Variants in MAP3K3 observed in about 807,000 individuals in gnomAD.
MAP3K3 encodes the protein MAP/ERK kinase kinase 3.
MAP3K3 carries 12 observed loss-of-function variants against 80.9 expected under a neutral mutation model. The ratio of observed to expected loss-of-function variants is 0.15; its 90% confidence interval spans 0.10 to 0.24. The LOEUF (loss-of-function observed/expected upper bound fraction) is 0.24, where lower values mean the gene tolerates loss of function less well. MAP3K3 is among the 10% of genes least tolerant of loss of function. The pLI is 1.00. For missense variants in MAP3K3, 596 were observed against 834.7 expected (o/e 0.71, Z 3.52); for synonymous variants, 272 against 307.1 (o/e 0.89, Z 1.19).
intron 6 of MAP3K3, among the ~76,000 whole-genome samples, chr17:63,677,673 A>G (rs922103369): frequency 6.6e-6 from 1 of 152,160 alleles, no homozygotes; most frequent in Non-Finnish European, 1.5e-5. Context: ...CTGACTCCCA[A>G]ATGACCATGG....
chr17:63,653,987 C>T (rs1430887640), intron 4 of MAP3K3, among the ~76,000 whole-genome samples: 1 of 152,178 alleles, frequency 6.6e-6, no homozygotes, highest in Admixed American at 6.5e-5. Context: ...CCACCTCAGC[C>T]ACCCAAGTAG....
intron 6 of MAP3K3, among the ~76,000 whole-genome samples, chr17:63,667,957 C>G (rs1405149791): frequency 6.6e-6 from 1 of 151,478 alleles, no homozygotes; most frequent in Non-Finnish European, 1.5e-5. Flanking sequence ...TGCATTATTA[C>G]TTGTTAACCC....
intron 4 of MAP3K3, among the ~76,000 whole-genome samples, chr17:63,654,294 C>A (rs1249028087): frequency 1.0e-5 from 1 of 97,784 alleles, no homozygotes; most frequent in Non-Finnish European, 2.3e-5. Flanking sequence ...CTATTCTGAA[C>A]ATTTCGTGTA....
Position 63,681,835 on chromosome 17 carries a change from G to A in MAP3K3, c.572G>A (p.Arg191Gln). 1.3e-6 allele frequency: 2 copies of A among 1,547,066 alleles called. No individual in the cohort carries two copies. Among genetic ancestry groups the A allele is most frequent in the Non-Finnish European group, 1.8e-6 (2 of 1,142,564 alleles). The change falls in exon 7 of 16, where the codon CGG becomes CAG. Residue 191 changes from arginine to glutamine, a missense_variant. Arg to Gln is a conservative substitution (Grantham distance 43, BLOSUM62 1). Coordinates refer to ENST00000361733, the MANE Select transcript of MAP3K3 (RefSeq NM_002401.5). ...YVPERQQHIARQGSYTSINSE... is the reference protein window; with the variant it reads ...YVPERQQHIAQQGSYTSINSE... ...CCTGAGCGGCAGCAGCACATTGCCC[G>A]GCAGGGGTCCTACACCAGCATCAAC...
At chr17:63,652,363 C>T (rs928133083) in intron 3 of MAP3K3, among the ~76,000 whole-genome samples, 194 bp from the exon 4 acceptor site, 1 of 151,992 alleles carries the variant, frequency 6.6e-6, no homozygotes, top group African/African-American at 2.4e-5. Flanking sequence ...GTTGTCAAAC[C>T]TGATAGATGC....
chr17:63,685,356 G>A (rs2035426253), intron 7 of MAP3K3, among the ~76,000 whole-genome samples, 161 bp from the exon 8 acceptor site: 1 of 152,194 alleles, frequency 6.6e-6, no homozygotes, highest in Non-Finnish European at 1.5e-5. Flanking sequence ...CTAAGGGGGA[G>A]GATGGTACCT....
intron 2 of MAP3K3, among the ~76,000 whole-genome samples, chr17:63,638,294 G>T (rs2034372816): frequency 6.6e-6 from 1 of 152,072 alleles, no homozygotes; most frequent in Non-Finnish European, 1.5e-5. Flanking sequence ...GAAATGTGGG[G>T]AGGCATCAAA....
chr17:63,640,390 C>A (rs537725701), intron 2 of MAP3K3, among the ~76,000 whole-genome samples: 1 of 152,228 alleles, frequency 6.6e-6, no homozygotes, highest in South Asian at 2.1e-4. Context: ...TGGGAAAAAA[C>A]CTCAAGAGTG....
chr17:63,678,486 TA>T (rs1873439707), intron 6 of MAP3K3, among the ~76,000 whole-genome samples: 2 of 152,172 alleles, frequency 1.3e-5, no homozygotes, highest in Admixed American at 6.5e-5. Context: ...AGCAAAATTC[TA>T]TGCCTGTTTT....
intron 7 of MAP3K3, among the ~76,000 whole-genome samples, chr17:63,683,456 A>G (rs77546989): frequency 1.1e-4 from 17 of 152,128 alleles, no homozygotes; most frequent in African/African-American, 1.7e-4. Context: ...CCCTCAGTCT[A>G]TGTCCCTCGC....
intron 4 of MAP3K3, among the ~76,000 whole-genome samples, chr17:63,655,446 T>C (rs2034747665): frequency 6.6e-6 from 1 of 152,218 alleles, no homozygotes. Context: ...TTTCTTCTTT[T>C]AATAGCCATC....
chr17:63,667,625 C>G (rs1053917400), intron 6 of MAP3K3, among the ~76,000 whole-genome samples: 9 of 152,108 alleles, frequency 5.9e-5, no homozygotes, highest in African/African-American at 1.9e-4. Flanking sequence ...TGTGGATGCT[C>G]AAGTCCCTGA....
chr17:63,652,723 C>A (rs1195627833), intron 4 of MAP3K3, 67 bp downstream of exon 4: 3 of 1,037,430 alleles, frequency 2.9e-6, no homozygotes, highest in East Asian at 2.5e-5. Context: ...TCTCTGTTTA[C>A]CAGAGCCTTT....
chr17:63,652,673 A>G lies in MAP3K3; in HGVS notation c.267+17A>G, dbSNP rs2034682073. Reference sequence around the variant, plus strand: ...AACAATGAGGTGAGAAGGCAGATGGATGGGGCAGGGACAAGAGGGGCAGAT... The same window carrying G: ...AACAATGAGGTGAGAAGGCAGATGGGTGGGGCAGGGACAAGAGGGGCAGAT... On this transcript the variant is annotated intron_variant, in intron 4 of 15. Transcript: ENST00000361733. The G allele has an allele frequency of 1.3e-6, 2 of 1,555,426 alleles. No individual in the cohort carries two copies. The highest frequency in any genetic ancestry group is 4.5e-5 in the East Asian group (2 of 44,542).
At chr17:63,622,816 C>T in intron 1 of MAP3K3, 53 bp downstream of exon 1, 2 of 449,148 alleles carry the variant, frequency 4.5e-6, no homozygotes, top group South Asian at 1.7e-5. Context: ...CGACGCCCCG[C>T]CCCAGGCTGA....
At position 63,689,374 on chromosome 17, in the gene MAP3K3, G is replaced by T. The variant is rs2035532098; in HGVS notation, c.872-170G>T. On this transcript the variant is annotated intron_variant, in intron 10 of 15. Coordinates refer to ENST00000361733, the MANE Select transcript of MAP3K3 (RefSeq NM_002401.5). The surrounding 1 kb of genome is among the most constrained non-coding windows in gnomAD (Gnocchi z 4.3). ...ACAGCAGCCTCTGTGGAATGAGTCA[G>T]GTGGGAGTGCGGACGGGATGGGCTG... 1 of 604,644 alleles carries T rather than the reference G, an allele frequency of 1.7e-6. No individual in the cohort carries two copies. The highest frequency in any genetic ancestry group is 2.0e-5 in the South Asian group (1 of 49,698). 37.5% of individuals were successfully genotyped at this position (604,644 alleles called of 1,614,324 possible). A position where few individuals can be genotyped will look rare whatever the true frequency, so the allele number is the denominator to read the frequency against.
intron 12 of MAP3K3, 181 bp downstream of exon 12, chr17:63,690,593 A>C (rs570575926): frequency 1.5e-6 from 1 of 645,354 alleles, no homozygotes; most frequent in African/African-American, 1.8e-5. Context: ...AAGAGCACCA[A>C]GCACCTGGAG....
chr17:63,672,125 A>G (rs1029503168), intron 6 of MAP3K3, among the ~76,000 whole-genome samples: 16 of 151,868 alleles, frequency 1.1e-4, no homozygotes, highest in Non-Finnish European at 1.0e-4. Context: ...TCTATGAAAA[A>G]TACAAAAATT....
chr17:63,666,913 C>T (rs2035009821), intron 5 of MAP3K3, 27 bp from the exon 6 acceptor site: 1 of 1,611,650 alleles, frequency 6.2e-7, no homozygotes, highest in African/African-American at 1.3e-5. Context: ...AAAGATGTAG[C>T]TTGGCCTTTT....
Sources: allele counts gnomAD v4.1 joint callset (sites outside exome capture counted in the v4.1 genomes callset), GRCh38; gene constraint gnomAD v4.1.1; non-coding constraint Gnocchi (gnomAD v3.1); transcripts MANE v1.5; gene names NCBI Gene and HGNC (gene_info 2026-07-23, HGNC 2026-07-21).